APAF1: variants seen among roughly 807,000 people sequenced by gnomAD.
APAF1 encodes apoptotic protease-activating factor 1.
APAF1 carries 91 observed loss-of-function variants against 152.4 expected under a neutral mutation model. That is an observed-to-expected ratio of 0.60 (90% CI 0.50 to 0.71). APAF1 has a LOEUF of 0.71. Ranked by LOEUF, APAF1 falls within the 30% of genes least tolerant of loss-of-function variation. The probability of loss-of-function intolerance (pLI) is 0.00; values close to 1 mark genes in which losing one functional copy is unlikely to be tolerated. For synonymous variants in APAF1, 484 were observed against 494.1 expected (o/e 0.98, Z 0.27); for missense variants, 1,283 against 1,472.0 (o/e 0.87, Z 2.10).
chr12:98,710,729 C>G lies in APAF1; in HGVS notation c.2842-1590C>G, dbSNP rs573630569. ...AAGAGCTGCCATGCCCCACTCAAACCTTAACAAGTTGTAAAGCTGTAGAGC... is the reference window on the plus strand; with the variant it reads ...AAGAGCTGCCATGCCCCACTCAAACGTTAACAAGTTGTAAAGCTGTAGAGC... On this transcript the variant is annotated intron_variant, in intron 20 of 26. Transcript: ENST00000551964. Among the ~76,000 whole-genome samples the G allele has an allele frequency of 7.9e-5, 12 of 152,340 alleles. No individual in the cohort carries two copies. The East Asian group carries it at 2.3e-3, about 29-fold the overall frequency.
In APAF1 at chr12:98,686,843, G is replaced by A. The variant is rs200562772; in HGVS notation, c.2274G>A (p.Leu758=). 29 of 1,613,848 alleles carry A rather than the reference G, an allele frequency of 1.8e-5. No individual in the cohort carries two copies. The East Asian group carries it at 5.6e-4, about 31-fold the overall frequency. ...GATTTTCACCAGATGATAAGCTTTT[G>A]GCTAGTTGTTCAGCTGATGGAACCT... ...HCRFSPDDKL[L]ASCSADGTLK... Residue 758 remains leucine (L), a synonymous_variant, in exon 16 of 27, where the codon TTG becomes TTA. Coordinates refer to ENST00000551964, the MANE Select transcript of APAF1 (RefSeq NM_181861.2).
In APAF1 at chr12:98,731,336, C is replaced by T. The variant is rs1013880565; in HGVS notation, c.3601-1084C>T. ...TGACACATCATTATCACCCACAGTCCGTAATTAGGGTTTGTTCTTGGTGCT... is the reference window on the plus strand; with the variant it reads ...TGACACATCATTATCACCCACAGTCTGTAATTAGGGTTTGTTCTTGGTGCT... On this transcript the variant is annotated intron_variant, in intron 26 of 26. Coordinates refer to ENST00000551964, the MANE Select transcript of APAF1 (RefSeq NM_181861.2). 4.6e-5 allele frequency among the ~76,000 whole-genome samples: 7 copies of T among 152,116 alleles called. No individual in the cohort carries two copies. In the East Asian group the frequency reaches 5.8e-4, roughly 13 times the overall value.
chr12:98,708,073 A>G (rs1457234516), intron 19 of APAF1, among the ~76,000 whole-genome samples: 1 of 152,136 alleles, frequency 6.6e-6, no homozygotes, highest in South Asian at 2.1e-4. Flanking sequence ...CAGCCTCCTG[A>G]GTAGCTGGGA....
rs114977763 is a variant in APAF1 at position 98,712,786 on chromosome 12, T to C, written c.2958+351T>C. 8.2e-3 allele frequency: 2,104 copies of C among 256,356 alleles called. 40 individuals carry two copies. Among genetic ancestry groups the C allele is most frequent in the African/African-American group, 0.045 (1,970 of 43,526 alleles). The allele number at this position is 256,356 out of a possible 1,614,324, so 15.9% of individuals were successfully genotyped here. On this transcript the variant is annotated intron_variant, in intron 21 of 26. Coordinates refer to ENST00000551964, the MANE Select transcript of APAF1 (RefSeq NM_181861.2). ...GCCTCAGCCTCCCAAAGTGTGGGGA[T>C]TATAGGCATGGGAGCTTTTGTGCCT...
At chr12:98,680,199 C>A in intron 13 of APAF1, 78 bp from the exon 14 acceptor site, 1 of 1,435,960 alleles carries the variant, frequency 7.0e-7, no homozygotes, top group Non-Finnish European at 9.4e-7. Flanking sequence ...TGATTAAACT[C>A]ACTTAAAGAT....
At chr12:98,648,293 C>G (rs1027686985) in intron 1 of APAF1, 26 bp from the exon 2 acceptor site, 1 of 1,551,224 alleles carries the variant, frequency 6.4e-7, no homozygotes, top group Admixed American at 1.7e-5. Context: ...ATTGGCCTGA[C>G]AAATATTTTG....
intron 12 of APAF1, among the ~76,000 whole-genome samples, 177 bp from the exon 13 acceptor site, chr12:98,677,248 T>C (rs1371036232): frequency 6.6e-6 from 1 of 152,228 alleles, no homozygotes; most frequent in Non-Finnish European, 1.5e-5. Context: ...CTACTTTTGT[T>C]ATTTTTTTTC....
intron 26 of APAF1, among the ~76,000 whole-genome samples, chr12:98,728,780 A>G (rs1029299758): frequency 1.3e-5 from 2 of 152,228 alleles, no homozygotes; most frequent in Non-Finnish European, 2.9e-5. Flanking sequence ...TAGAAAAGCC[A>G]GGACTCAAAC....
At chr12:98,681,914 C>G (rs994776421) in intron 14 of APAF1, among the ~76,000 whole-genome samples, 2 of 152,138 alleles carry the variant, frequency 1.3e-5, no homozygotes, top group African/African-American at 2.4e-5. Flanking sequence ...AAAGGAAATG[C>G]CAAAGGACAT....
intron 12 of APAF1, among the ~76,000 whole-genome samples, chr12:98,673,826 A>G (rs1015610066): frequency 6.6e-6 from 1 of 152,248 alleles, no homozygotes; most frequent in East Asian, 1.9e-4. Flanking sequence ...AATAATTACA[A>G]TATAATGCAA....
chr12:98,699,201 G>A (rs1051198744), intron 16 of APAF1, among the ~76,000 whole-genome samples: 2 of 152,020 alleles, frequency 1.3e-5, no homozygotes, highest in East Asian at 3.9e-4. Context: ...CTGCATTTTG[G>A]GCAGTGCTTC....
In APAF1 at chr12:98,671,755, G is replaced by A. The variant is rs74446759; in HGVS notation, c.1793+36G>A. On this transcript the variant is annotated intron_variant, in intron 12 of 26. Coordinates refer to ENST00000551964, the MANE Select transcript of APAF1 (RefSeq NM_181861.2). ...TAGGAGAGAAACCAAAGGGAGTGGT[G>A]CGCTAACTATATCATTATTTTTCAG... 11,172 of 1,585,414 alleles carry A rather than the reference G, an allele frequency of 7.0e-3. 133 individuals are homozygous for A. Among genetic ancestry groups the A allele is most frequent in the African/African-American group, 0.045 (3,338 of 74,438 alleles).
At position 98,662,509 on chromosome 12, in the gene APAF1, ACAGT is replaced by A. The variant is rs1213890270; in HGVS notation, c.769_772del (p.Gln257ValfsTer16). The A allele has an allele frequency of 6.2e-7, 1 of 1,613,476 alleles. No homozygotes were observed. ...GACTCTTGGGTGTTGAAAGCTTTTG[ACAGT>A]CAGTGTCAGATTCTTCTTACAACCA... On this transcript the variant is annotated frameshift_variant, in exon 6 of 27. Coordinates refer to ENST00000551964, the MANE Select transcript of APAF1 (RefSeq NM_181861.2). LOFTEE classifies it high-confidence loss of function.
At chr12:98,670,397 C>T (rs2097678678) in intron 10 of APAF1, among the ~76,000 whole-genome samples, 1 of 151,978 alleles carries the variant, frequency 6.6e-6, no homozygotes, top group Non-Finnish European at 1.5e-5. Context: ...TTTGCTTTTA[C>T]CTCCTTTACC....
At chr12:98,680,108 T>A (rs1449804176) in intron 13 of APAF1, among the ~76,000 whole-genome samples, 169 bp from the exon 14 acceptor site, 1 of 152,264 alleles carries the variant, frequency 6.6e-6, no homozygotes, top group East Asian at 1.9e-4. Flanking sequence ...TCTAGTTATG[T>A]GAAGGCATAC....
chr12:98,660,401 C>A (rs1396167394), intron 5 of APAF1, among the ~76,000 whole-genome samples: 2 of 151,706 alleles, frequency 1.3e-5, no homozygotes, highest in African/African-American at 2.4e-5. Flanking sequence ...GTTTGATTGT[C>A]TTAGTTTCTA....
intron 26 of APAF1, 87 bp from the exon 27 acceptor site, chr12:98,732,333 G>A: frequency 1.7e-6 from 2 of 1,193,942 alleles, no homozygotes; most frequent in Non-Finnish European, 2.5e-6. Flanking sequence ...TTGGGGGGAG[G>A]AGATAGGGTA....
At chr12:98,652,640 T>G (rs2097650366) in intron 4 of APAF1, among the ~76,000 whole-genome samples, 1 of 152,070 alleles carries the variant, frequency 6.6e-6, no homozygotes, top group African/African-American at 2.4e-5. Context: ...ATTTTATTTT[T>G]TTTGAGACGG....
rs752986176 is a variant in APAF1, at chr12:98,671,104, A to G, written c.1608+18A>G. 1.3e-5 allele frequency: 18 copies of G among 1,421,264 alleles called. No individual in the cohort carries two copies. Among genetic ancestry groups the G allele is most frequent in the Middle Eastern group, 3.6e-4 (2 of 5,600 alleles). The allele number at this position is 1,421,264 out of a possible 1,614,324, so 88.0% of individuals were successfully genotyped here. ...ATGAAAAGGTATATATATTAACATG[A>G]AAAATTAGTGCTAAAAAGGAATCTC... is the stretch of plus-strand genomic sequence containing the variant. On this transcript the variant is annotated intron_variant, in intron 11 of 26. Transcript: ENST00000551964.
Sources: allele counts gnomAD v4.1 joint callset (sites outside exome capture counted in the v4.1 genomes callset), GRCh38; gene constraint gnomAD v4.1.1; transcripts MANE v1.5; gene names NCBI Gene and HGNC (gene_info 2026-07-23, HGNC 2026-07-21).